Variants in ZER1 observed in about 807,000 individuals in gnomAD.
ZER1 encodes protein zer-1 homolog.
Under a neutral mutation model 78.8 loss-of-function variants are expected in ZER1, and 11 were observed. That is an observed-to-expected ratio of 0.14 (90% confidence interval 0.09 to 0.23). The LOEUF is 0.23. Among genes scored for constraint, ZER1 ranks in the 10% least tolerant of loss-of-function variants. The pLI, the probability that ZER1 is intolerant of heterozygous loss-of-function variation, is 1.00. For missense variants in ZER1, 588 were observed against 996.9 expected (o/e 0.59, Z 5.52); for synonymous variants, 400 against 407.0 (o/e 0.98, Z 0.21).
chr9:128,766,425 G>A (rs1415550478), intron 1 of ZER1, among the ~76,000 whole-genome samples: 3 of 151,746 alleles, frequency 2.0e-5, no homozygotes, highest in Non-Finnish European at 4.4e-5. Context: ...CACCCAACAA[G>A]GCAGGAGTTA....
At chr9:128,770,731 T>C (rs1864357667) in intron 1 of ZER1, among the ~76,000 whole-genome samples, 1 of 152,210 alleles carries the variant, frequency 6.6e-6, no homozygotes, top group African/African-American at 2.4e-5. Context: ...CTGCTCTAAG[T>C]ATAGCCTCCC....
At chr9:128,746,435 T>G (rs1863492229) in intron 8 of ZER1, among the ~76,000 whole-genome samples, 1 of 151,320 alleles carries the variant, frequency 6.6e-6, no homozygotes, top group Non-Finnish European at 1.5e-5. Context: ...CTCCAACTAG[T>G]CTTCTTTTTC....
intron 8 of ZER1, 51 bp downstream of exon 8, chr9:128,750,565 A>T (rs750411169): frequency 5.0e-6 from 8 of 1,596,950 alleles, no homozygotes; most frequent in Non-Finnish European, 6.8e-6. Flanking sequence ...AAGAAGCAGG[A>T]AAGGGGTGGC....
chr9:128,746,341 A>G (rs1364308264), intron 8 of ZER1, among the ~76,000 whole-genome samples: 1 of 152,048 alleles, frequency 6.6e-6, no homozygotes, highest in Non-Finnish European at 1.5e-5. Flanking sequence ...AACACTGGGT[A>G]TCACCAAGCT....
chr9:128,743,033 TC>T (rs1863356688), intron 8 of ZER1, among the ~76,000 whole-genome samples: 1 of 152,078 alleles, frequency 6.6e-6, no homozygotes, highest in Non-Finnish European at 1.5e-5. Flanking sequence ...CACCCCGAAG[TC>T]CCCACTGTCC....
chr9:128,761,026 T>C lies in ZER1; in HGVS notation c.-94-5367A>G, dbSNP rs369340597. 1.1e-3 allele frequency among the ~76,000 whole-genome samples: 164 copies of C among 151,022 alleles called. 2 individuals carry two copies. The East Asian group carries it at 0.024, about 22-fold the overall frequency. ...ACAAAAAATTAGCTGGGCGTGGTGG[T>C]GGGCACCTATAGTCCCAGCTACTCG... On this transcript the variant is annotated intron_variant, in intron 1 of 15. Transcript: ENST00000291900.
At chr9:128,763,929 G>A (rs1229161953) in intron 1 of ZER1, among the ~76,000 whole-genome samples, 4 of 152,008 alleles carry the variant, frequency 2.6e-5, no homozygotes, top group African/African-American at 7.2e-5. Flanking sequence ...GGAGGTTGCA[G>A]TGAGCCAAGA....
rs527260158 is a variant in ZER1 at position 128,747,209 on chromosome 9, G to T, written c.1359+3407C>A. ...GACTCTGTCTCAAAAAAAAAGAAAA[G>T]AAAAAATATACACACACACATACTG... On this transcript the variant is annotated intron_variant, in intron 8 of 15. Transcript: ENST00000291900. 2.0e-5 allele frequency among the ~76,000 whole-genome samples: 3 copies of T among 151,540 alleles called. No homozygotes were observed. In the South Asian group the frequency reaches 6.2e-4, roughly 31 times the overall value.
rs1862858234 is a variant in ZER1 at position 128,732,352 on chromosome 9, G to A, written c.2244-958C>T. Among the ~76,000 whole-genome samples the A allele has an allele frequency of 6.6e-6, 1 of 152,152 alleles. No individual in the cohort carries two copies. On this transcript the variant is annotated intron_variant, in intron 15 of 15. Coordinates refer to ENST00000291900, the MANE Select transcript of ZER1 (RefSeq NM_006336.4). The surrounding 1 kb of genome is among the most constrained non-coding windows in gnomAD (Gnocchi z 4.8). ...GTACTGGAAAAGAAAACCTAGGGGT[G>A]GGCCCCGTCCATTTATTTTTAAATT... is the stretch of plus-strand genomic sequence containing the variant.
intron 9 of ZER1, among the ~76,000 whole-genome samples, chr9:128,742,147 C>T (rs1863323646): frequency 6.6e-6 from 1 of 152,274 alleles, no homozygotes; most frequent in African/African-American, 2.4e-5. Context: ...TCTTGAGCTC[C>T]TTTGTCATTC....
upstream of ZER1, among the ~76,000 whole-genome samples, chr9:128,772,098 C>A (rs975040285): frequency 1.3e-5 from 2 of 152,170 alleles, no homozygotes; most frequent in African/African-American, 4.8e-5. Context: ...ATGCCCCCCC[C>A]AGGCCACCCG....
Position 128,753,597 on chromosome 9 carries a change from G to A in ZER1, c.313C>T (p.Leu105=), listed in dbSNP as rs1168270615. The part of the protein sequence containing the change: ...QDLEAIRKQD[L]VELYLTNCEK... ...CAGTTAGTCAGGTACAGCTCCACCA[G>A]GTCCTGGGAGTGGGCACAGCTCCAT... is the stretch of plus-strand genomic sequence containing the variant. The change falls in exon 4 of 16, where the codon CTG becomes TTG. Residue 105 remains leucine (L), a synonymous_variant. Coordinates refer to ENST00000291900, the MANE Select transcript of ZER1 (RefSeq NM_006336.4). This position sits in a 1 kb window ranked among gnomAD's most constrained non-coding sequence, Gnocchi z 7.5. 6.2e-7 allele frequency: 1 copy of A among 1,612,610 alleles called. No homozygotes were observed. Among genetic ancestry groups the A allele is most frequent in the South Asian group, 1.1e-5 (1 of 91,078 alleles).
chr9:128,771,062 T>C (rs1376331817), intron 1 of ZER1, among the ~76,000 whole-genome samples: 1 of 152,178 alleles, frequency 6.6e-6, no homozygotes, highest in Non-Finnish European at 1.5e-5. Context: ...AGGCAAAGAC[T>C]GGAAATCTTG....
rs898195226 is a variant in ZER1, at chr9:128,751,127, G to A, written c.1180C>T (p.Leu394=). The A allele has an allele frequency of 7.5e-6, 12 of 1,591,426 alleles. No individual in the cohort carries two copies. The highest frequency in any genetic ancestry group is 3.4e-5 in the Admixed American group (2 of 58,328). ...IERCNQLLRA[L]KLVITALKCH... The stretch of plus-strand genomic sequence containing the variant: ...GCCCCAGGCTTGGAGCTGACCTTCA[G>A]GGCCCGCAGCAGCTGGTTGCAACGC... Residue 394 remains leucine, a synonymous_variant, in exon 7 of 16, where the codon CTG becomes TTG. Transcript: ENST00000291900. This position sits in a 1 kb window ranked among gnomAD's most constrained non-coding sequence, Gnocchi z 5.4.
At chr9:128,736,073 C>A (rs567805612) in intron 13 of ZER1, among the ~76,000 whole-genome samples, 2 of 151,774 alleles carry the variant, frequency 1.3e-5, no homozygotes, top group African/African-American at 4.8e-5. Flanking sequence ...CTCAGCCTCC[C>A]GAGTAGCTGG....
intron 14 of ZER1, among the ~76,000 whole-genome samples, chr9:128,734,144 A>AAAAATATATATATATATATATAT: frequency 2.8e-4 from 4 of 14,414 alleles, no homozygotes; most frequent in Non-Finnish European, 4.3e-4. Flanking sequence ...AAAAAAAAAA[A>AAAAATATATATATATATATATAT]ATATATATAT....
Position 128,771,759 on chromosome 9 carries a change from C to T in ZER1, c.-273G>A, listed in dbSNP as rs764445380. On this transcript the variant is annotated 5_prime_UTR_variant, in exon 1 of 16. Transcript: ENST00000291900. ...GTCGGCGGGGCGGAGCTTGGGATCC[C>T]GGGGACGGGAGCTCCGGGAGGGAGG... The T allele has an allele frequency of 6.6e-6, 1 of 151,480 alleles. No homozygotes were observed. Among genetic ancestry groups the T allele is most frequent in the African/African-American group, 2.4e-5 (1 of 41,158 alleles). 9.4% of individuals were successfully genotyped at this position (151,480 alleles called of 1,614,324 possible).
At position 128,734,192 on chromosome 9, in the gene ZER1, A is replaced by G. The variant is rs1317019294; in HGVS notation, c.2141-664T>C. Among the ~76,000 whole-genome samples, 14 of 103,774 alleles carry G rather than the reference A, an allele frequency of 1.3e-4. No individual in the cohort carries two copies. In the South Asian group the frequency reaches 2.6e-3, roughly 19 times the overall value. The allele number at this position is 103,774 out of a possible 152,430, so 68.1% of individuals were successfully genotyped here. A position where few individuals can be genotyped will look rare whatever the true frequency, so the allele number is the denominator to read the frequency against. On this transcript the variant is annotated intron_variant, in intron 14 of 15. Transcript: ENST00000291900. ...TCTTAAAAAAAATATATATATATAT[A>G]TAATAGATATAATTTTTTTTTTGAG...
intron 1 of ZER1, among the ~76,000 whole-genome samples, chr9:128,762,318 G>A (rs1163170143): frequency 6.6e-6 from 1 of 152,186 alleles, no homozygotes; most frequent in Non-Finnish European, 1.5e-5. Context: ...AGACTGCTCA[G>A]GAAATCCAGC....
Sources: allele counts gnomAD v4.1 joint callset (sites outside exome capture counted in the v4.1 genomes callset), GRCh38; gene constraint gnomAD v4.1.1; non-coding constraint Gnocchi (gnomAD v3.1); transcripts MANE v1.5; gene names NCBI Gene and HGNC (gene_info 2026-07-23, HGNC 2026-07-21).